The following GPHN variants were observed in gnomAD, a reference collection of about 807,000 sequenced individuals.
The protein encoded by GPHN is gephyrin.
In GPHN, 17 loss-of-function variants were observed where a neutral mutation model predicts 95.5. That is an observed-to-expected ratio of 0.18 (90% CI 0.12 to 0.27). The LOEUF is 0.27. GPHN is among the 10% of genes least tolerant of loss of function. The pLI is 1.00. For missense variants in GPHN, 660 were observed against 978.1 expected (o/e 0.67, Z 4.34); for synonymous variants, 320 against 322.5 (o/e 0.99, Z 0.08).
the GPHN span, among the ~76,000 whole-genome samples, chr14:67,448,120 C>CTTTTTTTTTT: frequency 6.4e-4 from 23 of 36,078 alleles, 10 homozygotes; most frequent in African/African-American, 2.1e-3. Flanking sequence ...ATAGCCCATT[C>CTTTTTTTTTT]TTTTTTTTTT....
chr14:67,565,417 A>T, the GPHN span, among the ~76,000 whole-genome samples: 4 of 151,972 alleles, frequency 2.6e-5, no homozygotes, highest in Non-Finnish European at 4.4e-5. Flanking sequence ...CTAATTTTTT[A>T]AATTTTTTGT....
At chr14:67,318,951 G>A in the GPHN span, among the ~76,000 whole-genome samples, 1 of 152,054 alleles carries the variant, frequency 6.6e-6, no homozygotes, top group South Asian at 2.1e-4. Context: ...CCAGCTATTC[G>A]GGAGGCTGAG....
the GPHN span, among the ~76,000 whole-genome samples, chr14:67,708,075 T>C: frequency 1.2e-4 from 18 of 152,330 alleles, no homozygotes; most frequent in Admixed American, 3.3e-4. Context: ...TGTTATAAGT[T>C]ACAAATACTC....
chr14:66,594,638 C>T (rs2061896621), intron 1 of GPHN, among the ~76,000 whole-genome samples: 1 of 152,056 alleles, frequency 6.6e-6, no homozygotes, highest in African/African-American at 2.4e-5. Flanking sequence ...TATTAGACTC[C>T]CATCTCACAT....
At chr14:67,685,019 A>T in the GPHN span, 1 of 1,607,162 alleles carries the variant, frequency 6.2e-7, no homozygotes, top group Non-Finnish European at 8.5e-7. Flanking sequence ...TCATACCTGA[A>T]ATGATTCCCA....
the GPHN span, among the ~76,000 whole-genome samples, chr14:67,463,020 C>T: frequency 7.9e-5 from 12 of 152,160 alleles, no homozygotes; most frequent in Admixed American, 7.8e-4. Context: ...GCTTCATGTC[C>T]TAGGAAACCC....
the GPHN span, among the ~76,000 whole-genome samples, chr14:67,435,281 T>G: frequency 6.6e-6 from 1 of 152,146 alleles, no homozygotes; most frequent in African/African-American, 2.4e-5. Context: ...CCTCTTCTTA[T>G]AAAGCTACCA....
the GPHN span, among the ~76,000 whole-genome samples, chr14:67,216,640 C>G: frequency 7.0e-4 from 107 of 152,070 alleles, no homozygotes; most frequent in African/African-American, 2.6e-3. Context: ...AAATAGCATC[C>G]TTCATTTCTT....
At chr14:67,667,414 G>T in the GPHN span, among the ~76,000 whole-genome samples, 1 of 152,080 alleles carries the variant, frequency 6.6e-6, no homozygotes, top group Non-Finnish European at 1.5e-5. Flanking sequence ...CACCATACAA[G>T]AGTTAAAAGC....
At chr14:67,066,014 G>A (rs1467774561) in intron 11 of GPHN, among the ~76,000 whole-genome samples, 1 of 152,124 alleles carries the variant, frequency 6.6e-6, no homozygotes, top group Non-Finnish European at 1.5e-5. Flanking sequence ...GTTAATTGAT[G>A]CAGTTTCTTC....
Position 66,622,190 on chromosome 14 carries a change from A to C in GPHN, c.65-58917A>C, listed in dbSNP as rs191750822. ...ACTTGCAGGCTCAACACCACATGAA[A>C]GCTGCCAAGGCCTGGGGCTTGAACC... On this transcript the variant is annotated intron_variant, in intron 1 of 22. Transcript: ENST00000478722. Among the ~76,000 whole-genome samples, 17 of 152,290 alleles carry C rather than the reference A, an allele frequency of 1.1e-4. No homozygotes were observed. In the East Asian group the frequency reaches 3.1e-3, roughly 28 times the overall value.
chr14:67,680,268 T>C, the GPHN span, among the ~76,000 whole-genome samples: 1 of 152,350 alleles, frequency 6.6e-6, no homozygotes, highest in South Asian at 2.1e-4. Flanking sequence ...CAACTTGCCA[T>C]TTCCTAGTGA....
chr14:66,868,420 G>C (rs1262507800), intron 4 of GPHN, among the ~76,000 whole-genome samples: 5 of 152,014 alleles, frequency 3.3e-5, no homozygotes, highest in Admixed American at 3.3e-4. Flanking sequence ...TTAAGACAGA[G>C]TCTCACTCTG....
chr14:67,587,448 C>G, the GPHN span: 1 of 598,410 alleles, frequency 1.7e-6, no homozygotes, highest in Non-Finnish European at 3.0e-6. Flanking sequence ...AGTGTTAAAA[C>G]CATTTATTCC....
chr14:67,508,754 A>AAAAAAAAAAAAAAAAAAC, the GPHN span, among the ~76,000 whole-genome samples: 2 of 102,842 alleles, frequency 1.9e-5, no homozygotes, highest in Non-Finnish European at 3.9e-5. Flanking sequence ...ACCTTGTCTC[A>AAAAAAAAAAAAAAAAAAC]AAAAAAAAAA....
At chr14:66,643,752 G>GTT (rs778465330) in intron 1 of GPHN, among the ~76,000 whole-genome samples, 2 of 139,178 alleles carry the variant, frequency 1.4e-5, no homozygotes, top group African/African-American at 2.6e-5. Context: ...TATGAGGGGA[G>GTT]TTTTTTTTTT....
intron 1 of GPHN, among the ~76,000 whole-genome samples, chr14:66,567,774 T>C (rs1408789286): frequency 6.6e-6 from 1 of 152,218 alleles, no homozygotes; most frequent in East Asian, 1.9e-4. Flanking sequence ...TGTTGTAGAA[T>C]ATTATGTTTA....
chr14:67,561,869 C>CAA, the GPHN span: 5,082 of 754,176 alleles, frequency 6.7e-3, 58 homozygotes, highest in Admixed American at 0.063. Flanking sequence ...GACCCTGTCT[C>CAA]AAAAAAAAAA....
intron 16 of GPHN, among the ~76,000 whole-genome samples, chr14:67,116,689 A>G (rs1447742153): frequency 6.6e-6 from 1 of 152,202 alleles, no homozygotes; most frequent in Non-Finnish European, 1.5e-5. Flanking sequence ...ACTTCACAGG[A>G]CAGGTTTTAA....
Sources: allele counts gnomAD v4.1 joint callset (sites outside exome capture counted in the v4.1 genomes callset), GRCh38; gene constraint gnomAD v4.1.1; transcripts MANE v1.5; gene names NCBI Gene and HGNC (gene_info 2026-07-23, HGNC 2026-07-21).